TUSC3: variants seen among roughly 807,000 people sequenced by gnomAD.
TUSC3 encodes dolichyl-diphosphooligosaccharide--protein glycosyltransferase subunit TUSC3.
A neutral mutation model predicts 44.8 loss-of-function variants in TUSC3; 45 were observed. The observed-to-expected ratio is 1.00, with a 90% CI of 0.79 to 1.29. The LOEUF (loss-of-function observed/expected upper bound fraction) is 1.29, where lower values mean the gene tolerates loss of function less well. Among genes scored for constraint, TUSC3 ranks in the 50% most tolerant of loss-of-function variants. The pLI, the probability that TUSC3 is intolerant of heterozygous loss-of-function variation, is 0.00. For missense variants in TUSC3, 519 were observed against 437.9 expected (o/e 1.19, Z -1.65); for synonymous variants, 212 against 152.9 (o/e 1.39, Z -2.85).
chr8:15,842,311 C>A, the TUSC3 span, among the ~76,000 whole-genome samples: 1 of 152,096 alleles, frequency 6.6e-6, no homozygotes, highest in Non-Finnish European at 1.5e-5. Context: ...CAGTTCTGAC[C>A]GCCAGCCTCA....
chr8:15,680,453 TG>T (rs1474793691), intron 6 of TUSC3, among the ~76,000 whole-genome samples: 1 of 152,156 alleles, frequency 6.6e-6, no homozygotes, highest in Non-Finnish European at 1.5e-5. Context: ...GATTGATTCC[TG>T]AAACTTTACT....
At chr8:15,512,061 C>T (rs142125763) in intron 2 of TUSC3, among the ~76,000 whole-genome samples, 52 of 152,136 alleles carry the variant, frequency 3.4e-4, no homozygotes, top group African/African-American at 1.2e-3. Flanking sequence ...ATCCAGAACA[C>T]CTTTGAAAAA....
chr8:15,754,903 A>G (rs984813694), intron 9 of TUSC3, among the ~76,000 whole-genome samples: 2 of 151,926 alleles, frequency 1.3e-5, no homozygotes, highest in South Asian at 4.1e-4. Flanking sequence ...TTTTAATCTT[A>G]AGCCTTACAA....
At chr8:15,440,514 A>G (rs1800007235) in intron 1 of TUSC3, among the ~76,000 whole-genome samples, 1 of 152,206 alleles carries the variant, frequency 6.6e-6, no homozygotes, top group Admixed American at 6.5e-5. Flanking sequence ...TTGCCGTGTG[A>G]AGGATGAGTT....
chr8:15,770,671 C>T (rs1369124297), downstream of TUSC3, among the ~76,000 whole-genome samples: 2 of 152,058 alleles, frequency 1.3e-5, no homozygotes, highest in African/African-American at 4.8e-5. Flanking sequence ...TTAGGCTTGA[C>T]AGGAGAATAG....
At chr8:15,602,225 C>CTA (rs1170441222) in intron 1 of TUSC3, among the ~76,000 whole-genome samples, 1 of 151,570 alleles carries the variant, frequency 6.6e-6, no homozygotes, top group Non-Finnish European at 1.5e-5. Flanking sequence ...GATACTCAGC[C>CTA]TATATATAGG....
At chr8:15,535,289 G>T (rs1326105407), upstream of TUSC3, among the ~76,000 whole-genome samples, 1 of 152,168 alleles carries the variant, frequency 6.6e-6, no homozygotes, top group Non-Finnish European at 1.5e-5. Flanking sequence ...AAGAATTTGG[G>T]TTAGTCGTAA....
intron 6 of TUSC3, among the ~76,000 whole-genome samples, chr8:15,678,286 A>G (rs1384701229): frequency 1.3e-5 from 2 of 152,210 alleles, no homozygotes; most frequent in African/African-American, 4.8e-5. Context: ...AAAGAAATGC[A>G]GGTGCTGGTG....
At chr8:15,608,031 G>C (rs1804609021) in intron 1 of TUSC3, among the ~76,000 whole-genome samples, 1 of 152,150 alleles carries the variant, frequency 6.6e-6, no homozygotes, top group Non-Finnish European at 1.5e-5. Context: ...AACCAGAATG[G>C]TGAGAATGTC....
At chr8:15,733,324 T>C (rs2129209274) in intron 7 of TUSC3, 1 of 377,732 alleles carries the variant, frequency 2.6e-6, no homozygotes, top group Non-Finnish European at 5.1e-6. Flanking sequence ...TTTTAACTCA[T>C]TTATTTAAAT....
chr8:15,575,759 T>C (rs534014267), intron 1 of TUSC3, among the ~76,000 whole-genome samples: 30 of 152,234 alleles, frequency 2.0e-4, no homozygotes, highest in Non-Finnish European at 3.1e-4. Context: ...AGAGTGAGAC[T>C]CTGCCTTAAA....
chr8:15,755,670 A>G (rs1047065650), intron 9 of TUSC3, among the ~76,000 whole-genome samples: 3 of 151,968 alleles, frequency 2.0e-5, no homozygotes, highest in Non-Finnish European at 4.4e-5. Flanking sequence ...CAGAGGCATA[A>G]CACCCAAGCA....
intron 8 of TUSC3, among the ~76,000 whole-genome samples, chr8:15,745,203 T>C (rs1811359596): frequency 6.6e-6 from 1 of 152,052 alleles, no homozygotes; most frequent in Non-Finnish European, 1.5e-5. Context: ...GTGGTATATA[T>C]GTACCATGGA....
At chr8:15,769,095 A>T (rs1350188874), downstream of TUSC3, among the ~76,000 whole-genome samples, 4 of 147,306 alleles carry the variant, frequency 2.7e-5, no homozygotes, top group African/African-American at 9.7e-5. Context: ...ATGTGGAACC[A>T]AAAAAAAGCC....
downstream of TUSC3, among the ~76,000 whole-genome samples, chr8:15,768,307 A>G (rs1266321538): frequency 6.6e-6 from 1 of 152,180 alleles, no homozygotes; most frequent in African/African-American, 2.4e-5. Context: ...GCAATTCACA[A>G]CAAGCCGTGA....
intron 2 of TUSC3, among the ~76,000 whole-genome samples, chr8:15,499,766 C>T (rs1312839047): frequency 6.6e-6 from 1 of 152,064 alleles, no homozygotes; most frequent in Non-Finnish European, 1.5e-5. Flanking sequence ...AGACATCAGT[C>T]TTCTCCCTAC....
intron 1 of TUSC3, among the ~76,000 whole-genome samples, chr8:15,480,274 C>T (rs536641693): frequency 6.6e-6 from 1 of 152,288 alleles, no homozygotes; most frequent in East Asian, 1.9e-4. Flanking sequence ...ATTTGTAGAT[C>T]ATATGCTATT....
chr8:15,511,737 G>T (rs1483775947), intron 2 of TUSC3, among the ~76,000 whole-genome samples: 3 of 152,100 alleles, frequency 2.0e-5, no homozygotes, highest in Admixed American at 2.0e-4. Flanking sequence ...GGGCGTGGTG[G>T]TGGGTGCCTA....
At chr8:15,444,305 T>C (rs757433887) in intron 1 of TUSC3, among the ~76,000 whole-genome samples, 1 of 152,170 alleles carries the variant, frequency 6.6e-6, no homozygotes, top group Non-Finnish European at 1.5e-5. Flanking sequence ...ACGGTCATGA[T>C]AGGTGTAGGG....
Sources: allele counts gnomAD v4.1 joint callset (sites outside exome capture counted in the v4.1 genomes callset), GRCh38; gene constraint gnomAD v4.1.1; transcripts MANE v1.5; gene names NCBI Gene and HGNC (gene_info 2026-07-23, HGNC 2026-07-21).